Variants in EBF3 observed in about 807,000 individuals in gnomAD.
The protein encoded by EBF3 is transcription factor COE3.
In EBF3, 18 loss-of-function variants were observed where a neutral mutation model predicts 77.1. The ratio of observed to expected loss-of-function variants is 0.23; its 90% CI spans 0.16 to 0.35. The LOEUF is 0.35. EBF3 is among the 10% of genes least tolerant of loss of function. The pLI is 1.00. For synonymous variants in EBF3, 350 were observed against 343.5 expected, an observed-to-expected ratio of 1.02 and a Z score of -0.21; for missense variants, 558 against 860.0, an observed-to-expected ratio of 0.65 and a Z score of 4.39.
Position 129,956,347 on chromosome 10 carries a change from C to A in EBF3, c.554+911G>T, listed in dbSNP as rs769004331. 8.6e-4 allele frequency among the ~76,000 whole-genome samples: 131 copies of A among 152,344 alleles called. 1 individual carries two copies. Among genetic ancestry groups the A allele is most frequent in the Non-Finnish European group, 1.2e-3 (85 of 68,030 alleles). On this transcript the variant is annotated intron_variant, in intron 6 of 16. Coordinates refer to ENST00000440978, the MANE Select transcript of EBF3 (RefSeq NM_001375380.1). ...TCGCAAAACTGGTGTCATATGTACA[C>A]GTCTAACATTTATTCAATTTGGGTA...
At chr10:129,865,770 C>CT (rs1851965229) in intron 10 of EBF3, among the ~76,000 whole-genome samples, 1 of 152,258 alleles carries the variant, frequency 6.6e-6, no homozygotes, top group Admixed American at 6.5e-5. Context: ...TCTATTGCCT[C>CT]TTTAAACCTT....
chr10:129,948,806 G>A (rs1271036758), intron 6 of EBF3, among the ~76,000 whole-genome samples: 1 of 152,204 alleles, frequency 6.6e-6, no homozygotes, highest in African/African-American at 2.4e-5. Context: ...TGCTGGTGTG[G>A]CTTCAATGTC....
In EBF3 at chr10:129,962,220, C is replaced by T; in HGVS notation, c.362G>A (p.Arg121Lys). Residue 121 changes from arginine to lysine, a missense_variant, in exon 4 of 17, where the codon AGA becomes AAA. This residue lies in a region of EBF3 where 84 missense variants were observed against 142.3 expected (regional missense o/e 0.59). Transcript: ENST00000440978. Reference sequence around the variant, plus strand: ...GCGAACATACAGATCTTGCTCTGTTCTGACTCCTGCAAAAAAACAGAGACA... The same window carrying T: ...GCGAACATACAGATCTTGCTCTGTTTTGACTCCTGCAAAAAAACAGAGACA... ...KLQLLYSNGV[R>K]TEQDLYVRLI... 1 of 1,614,078 alleles carries T rather than the reference C, an allele frequency of 6.2e-7. No homozygotes were observed.
At chr10:129,873,120 G>T (rs1274658693) in intron 8 of EBF3, among the ~76,000 whole-genome samples, 3 of 152,174 alleles carry the variant, frequency 2.0e-5, no homozygotes, top group Non-Finnish European at 4.4e-5. Context: ...GAGGTATCTG[G>T]GTATGAGCTT....
At position 129,963,506 on chromosome 10, in the gene EBF3, C is replaced by G; in HGVS notation, c.152G>C (p.Arg51Pro). The G allele has an allele frequency of 6.4e-7, 1 of 1,560,552 alleles. No individual in the cohort carries two copies. ...TAAQSGVGLA[R>P]AHFEKQPPSN... The stretch of plus-strand genomic sequence containing the variant: ...AGGCGGCTGCTTCTCGAAGTGCGCC[C>G]GCGCCAGCCCCACGCCGCTGCGGGA... The change falls in exon 2 of 17, where the codon CGG becomes CCG. Residue 51 changes from arginine (R) to proline (P), a missense_variant. Physicochemically the swap from Arg to Pro is moderately radical, Grantham distance 103. Around this residue, in one of 5 missense-constraint regions of EBF3, gnomAD observed 84 missense variants for 142.3 expected, o/e 0.59. Coordinates refer to ENST00000440978, the MANE Select transcript of EBF3 (RefSeq NM_001375380.1). This position sits in a 1 kb window ranked among gnomAD's most constrained non-coding sequence, Gnocchi z 7.1.
chr10:129,883,883 A>G (rs1399250876), intron 6 of EBF3, among the ~76,000 whole-genome samples: 1 of 152,188 alleles, frequency 6.6e-6, no homozygotes, highest in Non-Finnish European at 1.5e-5. Flanking sequence ...AATGCCACAG[A>G]ACTGTTCACT....
At position 129,922,178 on chromosome 10, in the gene EBF3, A is replaced by C. The variant is rs192279680; in HGVS notation, c.554+35080T>G. ...GCTCCATTCTTTGCCCAACAAGAGC[A>C]GAGTCCTCTCTCTCCCTCCAGCCAT... On this transcript the variant is annotated intron_variant, in intron 6 of 16. Coordinates refer to ENST00000440978, the MANE Select transcript of EBF3 (RefSeq NM_001375380.1). Among the ~76,000 whole-genome samples the C allele has an allele frequency of 1.3e-3, 204 of 152,320 alleles. 1 individual carries two copies. Among genetic ancestry groups the C allele is most frequent in the African/African-American group, 4.4e-3 (183 of 41,580 alleles).
chr10:129,907,109 C>T (rs1371960279), intron 6 of EBF3, among the ~76,000 whole-genome samples: 1 of 152,210 alleles, frequency 6.6e-6, no homozygotes, highest in African/African-American at 2.4e-5. Flanking sequence ...TATACAGCCT[C>T]GGCCTGCCAG....
intron 6 of EBF3, among the ~76,000 whole-genome samples, chr10:129,890,879 T>C (rs943080176): frequency 6.6e-6 from 1 of 152,198 alleles, no homozygotes; most frequent in Non-Finnish European, 1.5e-5. Flanking sequence ...ACTCTCAATT[T>C]GTTGTGAGAC....
At chr10:129,924,923 C>T (rs968827744) in intron 6 of EBF3, among the ~76,000 whole-genome samples, 50 of 152,262 alleles carry the variant, frequency 3.3e-4, no homozygotes, top group African/African-American at 1.2e-3. Context: ...TCCTACCTCC[C>T]GAAGCGCCGA....
At chr10:129,838,825 A>T (rs949548235) in intron 16 of EBF3, among the ~76,000 whole-genome samples, 1 of 152,212 alleles carries the variant, frequency 6.6e-6, no homozygotes, top group African/African-American at 2.4e-5. Context: ...CAACAATATT[A>T]ATTTATCTCC....
Position 129,837,730 on chromosome 10 carries a change from G to T in EBF3, c.*213C>A. 2 of 589,080 alleles carry T rather than the reference G, an allele frequency of 3.4e-6. No homozygotes were observed. Among genetic ancestry groups the T allele is most frequent in the African/African-American group, 1.9e-5 (1 of 53,268 alleles). The allele number at this position is 589,080 out of a possible 1,614,324, so 36.5% of individuals were successfully genotyped here. A position where few individuals can be genotyped will look rare whatever the true frequency, so the allele number is the denominator to read the frequency against. ...AAAGTTCAGTCAATAAAATGGAATTGTTCATGAAGAAGTAGGCTGTTTGCA... is the reference window on the plus strand; with the variant it reads ...AAAGTTCAGTCAATAAAATGGAATTTTTCATGAAGAAGTAGGCTGTTTGCA... On this transcript the variant is annotated 3_prime_UTR_variant, in exon 17 of 17. Transcript: ENST00000440978.
rs921976171 is a variant in EBF3 at position 129,947,320 on chromosome 10, A to G, written c.554+9938T>C. On this transcript the variant is annotated intron_variant, in intron 6 of 16. Coordinates refer to ENST00000440978, the MANE Select transcript of EBF3 (RefSeq NM_001375380.1). This position sits in a 1 kb window ranked among gnomAD's most constrained non-coding sequence, Gnocchi z 4.5. ...AAACCCTTGCATTACTCTGTCTCGTATTAAATACCACATATAACTCTCAGC... is the reference window on the plus strand; with the variant it reads ...AAACCCTTGCATTACTCTGTCTCGTGTTAAATACCACATATAACTCTCAGC... 6.6e-6 allele frequency among the ~76,000 whole-genome samples: 1 copy of G among 152,228 alleles called. No individual in the cohort carries two copies. The highest frequency in any genetic ancestry group is 2.4e-5 in the African/African-American group (1 of 41,458).
chr10:129,841,051 C>CCCCT lies in EBF3; in HGVS notation c.1373-20_1373-19insAGGG, dbSNP rs10674137. ...TAGCCGACTGTTGAAATCCCCCCCC[C>CCCCT]GGCCAAAAATAACATTATTATCAGC... On this transcript the variant is annotated intron_variant, in intron 13 of 16. Coordinates refer to ENST00000440978, the MANE Select transcript of EBF3 (RefSeq NM_001375380.1). This position sits in a 1 kb window ranked among gnomAD's most constrained non-coding sequence, Gnocchi z 4.6. 2.5e-6 allele frequency: 4 copies of CCCCT among 1,603,808 alleles called. No individual in the cohort carries two copies. Among genetic ancestry groups the CCCCT allele is most frequent in the Non-Finnish European group, 1.7e-6 (2 of 1,175,636 alleles).
intron 6 of EBF3, among the ~76,000 whole-genome samples, chr10:129,933,986 G>A (rs938350885): frequency 9.2e-5 from 14 of 152,092 alleles, no homozygotes; most frequent in East Asian, 5.8e-4. Context: ...CTGCTCCTGC[G>A]CCCTGTCCAG....
At chr10:129,951,901 A>T (rs1419079588) in intron 6 of EBF3, among the ~76,000 whole-genome samples, 1 of 152,194 alleles carries the variant, frequency 6.6e-6, no homozygotes, top group Non-Finnish European at 1.5e-5. Flanking sequence ...TCAGAAGTTT[A>T]GGGGGAAAAA....
chr10:129,924,184 G>T (rs914581848), intron 6 of EBF3, among the ~76,000 whole-genome samples: 1 of 152,178 alleles, frequency 6.6e-6, no homozygotes, highest in African/African-American at 2.4e-5. Context: ...GGAGGCCAAG[G>T]CAGGTGGATC....
chr10:129,850,869 G>A (rs1016526160), intron 10 of EBF3, among the ~76,000 whole-genome samples: 37 of 152,060 alleles, frequency 2.4e-4, no homozygotes, highest in African/African-American at 6.8e-4. Context: ...ACCCACCACC[G>A]CCCTGCACCA....
intron 7 of EBF3, among the ~76,000 whole-genome samples, chr10:129,874,891 T>C (rs548429391): frequency 9.9e-5 from 15 of 152,248 alleles, no homozygotes; most frequent in African/African-American, 3.4e-4. Flanking sequence ...ATGTAAGGAA[T>C]CCCCTGCACC....
Sources: allele counts gnomAD v4.1 joint callset (sites outside exome capture counted in the v4.1 genomes callset), GRCh38; gene constraint gnomAD v4.1.1; regional missense constraint gnomAD v4.1.1; non-coding constraint Gnocchi (gnomAD v3.1); transcripts MANE v1.5; gene names NCBI Gene and HGNC (gene_info 2026-07-23, HGNC 2026-07-21).